CDH13: variants seen among roughly 807,000 people sequenced by gnomAD.
CDH13 encodes the protein cadherin-13.
A neutral mutation model predicts 63.8 loss-of-function variants in CDH13; 24 were observed. The ratio of observed to expected loss-of-function variants is 0.38; its 90% CI spans 0.27 to 0.53. The LOEUF (loss-of-function observed/expected upper bound fraction) is 0.53, where lower values mean the gene tolerates loss of function less well. Ranked by LOEUF, CDH13 falls within the 20% of genes least tolerant of loss-of-function variation. The pLI is 0.85. For missense variants in CDH13, 1,049 were observed against 903.1 expected (o/e 1.16, Z -2.07); for synonymous variants, 503 against 355.3 (o/e 1.42, Z -4.67).
chr16:83,701,331 C>T (rs914478382), intron 10 of CDH13, among the ~76,000 whole-genome samples: 5 of 152,200 alleles, frequency 3.3e-5, no homozygotes, highest in Admixed American at 2.0e-4. Flanking sequence ...ATGATGGATG[C>T]AGCGCTCCCA....
chr16:82,659,913 G>A (rs995746296), intron 1 of CDH13, among the ~76,000 whole-genome samples: 1 of 152,048 alleles, frequency 6.6e-6, no homozygotes, highest in Non-Finnish European at 1.5e-5. Context: ...AATGTCTCCA[G>A]ACATTGTCAA....
intron 2 of CDH13, among the ~76,000 whole-genome samples, chr16:82,955,381 G>A (rs1246572810): frequency 6.6e-6 from 1 of 152,158 alleles, no homozygotes; most frequent in Non-Finnish European, 1.5e-5. Flanking sequence ...AGTAGGTTCT[G>A]GATTTTAATG....
chr16:82,665,098 A>C (rs1035075855), intron 1 of CDH13, among the ~76,000 whole-genome samples: 1 of 152,192 alleles, frequency 6.6e-6, no homozygotes, highest in Admixed American at 6.5e-5. Flanking sequence ...GGTGCATTCA[A>C]ACTAGGTGAG....
intron 11 of CDH13, among the ~76,000 whole-genome samples, chr16:83,764,864 C>G (rs1372063854): frequency 6.6e-6 from 1 of 152,194 alleles, no homozygotes; most frequent in East Asian, 1.9e-4. Flanking sequence ...TCACTCAAGT[C>G]CATTCCTGCC....
intron 2 of CDH13, among the ~76,000 whole-genome samples, chr16:83,025,361 C>T (rs1332362890): frequency 6.6e-6 from 1 of 152,180 alleles, no homozygotes; most frequent in Non-Finnish European, 1.5e-5. Flanking sequence ...AATTGACTCA[C>T]AGTTCAGCAT....
At chr16:83,027,553 C>T (rs1033135054) in intron 2 of CDH13, among the ~76,000 whole-genome samples, 2 of 152,104 alleles carry the variant, frequency 1.3e-5, no homozygotes. Context: ...AGAGGGGAGG[C>T]TGATGGACAG....
chr16:83,701,525 T>G (rs11861962), intron 10 of CDH13, among the ~76,000 whole-genome samples: 2 of 151,930 alleles, frequency 1.3e-5, no homozygotes, highest in Admixed American at 1.3e-4. Flanking sequence ...TGTGGGAGAC[T>G]GAAGCTATAT....
At position 83,723,241 on chromosome 16, in the gene CDH13, T is replaced by C. The variant is rs115251200; in HGVS notation, c.1539-24867T>C. Among the ~76,000 whole-genome samples the C allele has an allele frequency of 3.4e-3, 511 of 152,348 alleles. 5 individuals are homozygous for C. Among genetic ancestry groups the C allele is most frequent in the African/African-American group, 0.012 (489 of 41,572 alleles). On this transcript the variant is annotated intron_variant, in intron 10 of 13. Transcript: ENST00000567109. Reference sequence around the variant, plus strand: ...ACCTCATGCCAAGGACCATGCTCTGTATACGACTTCATCTTTTCACCCACC... The same window carrying C: ...ACCTCATGCCAAGGACCATGCTCTGCATACGACTTCATCTTTTCACCCACC...
chr16:83,355,627 C>A (rs1271930115), intron 6 of CDH13, among the ~76,000 whole-genome samples: 1 of 152,026 alleles, frequency 6.6e-6, no homozygotes, highest in African/African-American at 2.4e-5. Context: ...TCAACAAATA[C>A]CTTTAGAGTA....
intron 4 of CDH13, among the ~76,000 whole-genome samples, chr16:83,158,217 T>C (rs2037296742): frequency 6.6e-6 from 1 of 152,184 alleles, no homozygotes; most frequent in Non-Finnish European, 1.5e-5. Context: ...ACCTCTCATC[T>C]TATTTTTAAA....
intron 4 of CDH13, among the ~76,000 whole-genome samples, chr16:83,166,012 A>G (rs191308958): frequency 7.9e-5 from 12 of 152,178 alleles, no homozygotes; most frequent in African/African-American, 2.7e-4. Flanking sequence ...AGTAGAAAAA[A>G]TGAAAGTGGA....
intron 7 of CDH13, among the ~76,000 whole-genome samples, chr16:83,546,954 C>T (rs1013629384): frequency 3.9e-5 from 6 of 152,280 alleles, no homozygotes; most frequent in Middle Eastern, 3.4e-3. Context: ...AACAAAAACA[C>T]GGACCGGAAG....
At chr16:83,655,272 A>G (rs1254156058) in intron 8 of CDH13, 1 of 152,214 alleles carries the variant, frequency 6.6e-6, no homozygotes, top group East Asian at 1.9e-4. Context: ...CCACGGTAAG[A>G]GTTTGATCTG....
Position 82,956,327 on chromosome 16 carries a change from G to C in CDH13, c.158-75683G>C, listed in dbSNP as rs192784436. 1.9e-3 allele frequency among the ~76,000 whole-genome samples: 285 copies of C among 151,788 alleles called. 1 individual carries two copies. The highest frequency in any genetic ancestry group is 6.7e-3 in the African/African-American group (277 of 41,344). On this transcript the variant is annotated intron_variant, in intron 2 of 13. Coordinates refer to ENST00000567109, the MANE Select transcript of CDH13 (RefSeq NM_001257.5). Reference sequence around the variant, plus strand: ...TCTAAACCACCATTATCTCTTGCCTGCAACCTTTTATTCCTAATTCTAGTC... The same window carrying C: ...TCTAAACCACCATTATCTCTTGCCTCCAACCTTTTATTCCTAATTCTAGTC...
chr16:82,763,193 A>G (rs55919647), intron 1 of CDH13, among the ~76,000 whole-genome samples: 12 of 152,198 alleles, frequency 7.9e-5, no homozygotes, highest in African/African-American at 1.9e-4. Context: ...CTTTCTTTCA[A>G]TTAGAATCTT....
chr16:83,609,175 C>T (rs1444818109), intron 8 of CDH13, among the ~76,000 whole-genome samples: 1 of 152,172 alleles, frequency 6.6e-6, no homozygotes, highest in East Asian at 1.9e-4. Flanking sequence ...TGGCAGCATG[C>T]AGCTGAGGAT....
At chr16:83,147,312 C>G (rs1187226909) in intron 4 of CDH13, among the ~76,000 whole-genome samples, 1 of 152,188 alleles carries the variant, frequency 6.6e-6, no homozygotes, top group African/African-American at 2.4e-5. Flanking sequence ...GAGGCCTGAC[C>G]TTGCTTTGAT....
intron 2 of CDH13, among the ~76,000 whole-genome samples, chr16:82,959,661 CTT>C (rs1363960496): frequency 6.6e-6 from 1 of 152,198 alleles, no homozygotes; most frequent in East Asian, 1.9e-4. Flanking sequence ...TGAGAAGACT[CTT>C]TTTAAGGTCA....
At chr16:83,430,995 G>A (rs1012161055) in intron 6 of CDH13, among the ~76,000 whole-genome samples, 1 of 114,430 alleles carries the variant, frequency 8.7e-6, no homozygotes, top group East Asian at 2.9e-4. Context: ...AGTCCCCAAA[G>A]TGTGATGTTC....
Sources: allele counts gnomAD v4.1 joint callset (sites outside exome capture counted in the v4.1 genomes callset), GRCh38; gene constraint gnomAD v4.1.1; transcripts MANE v1.5; gene names NCBI Gene and HGNC (gene_info 2026-07-23, HGNC 2026-07-21).